Variants in FOCAD observed in about 807,000 individuals in gnomAD.
FOCAD encodes the protein focadhesin.
In FOCAD, 198 loss-of-function variants were observed where a neutral mutation model predicts 225.6. That is an observed-to-expected ratio of 0.88 (90% CI 0.78 to 0.99). The LOEUF is 0.99. Ranked by LOEUF, FOCAD falls within the 50% of genes least tolerant of loss-of-function variation. The pLI, the probability that FOCAD is intolerant of heterozygous loss-of-function variation, is 0.00. For missense variants in FOCAD, 2,713 were observed against 2,123.6 expected, an observed-to-expected ratio of 1.28 and a Z score of -5.46; for synonymous variants, 897 against 755.0, an observed-to-expected ratio of 1.19 and a Z score of -3.08.
chr9:20,831,194 A>G (rs1265587537), intron 15 of FOCAD, among the ~76,000 whole-genome samples: 1 of 152,038 alleles, frequency 6.6e-6, no homozygotes, highest in African/African-American at 2.4e-5. Flanking sequence ...CGTAAAGGTT[A>G]TTGTCTGTTC....
intron 35 of FOCAD, among the ~76,000 whole-genome samples, chr9:20,972,121 G>C (rs1839820421): frequency 6.6e-6 from 1 of 152,046 alleles, no homozygotes; most frequent in African/African-American, 2.4e-5. Flanking sequence ...CTAAAAGTGA[G>C]GTTGCTGGAT....
chr9:20,973,249 C>T (rs1839925231), intron 35 of FOCAD, among the ~76,000 whole-genome samples: 1 of 151,640 alleles, frequency 6.6e-6, no homozygotes, highest in Non-Finnish European at 1.5e-5. Context: ...GCCTCTGCTT[C>T]TCTTTGTTCC....
intron 35 of FOCAD, among the ~76,000 whole-genome samples, chr9:20,975,827 GATCTCATA>G (rs1840178346): frequency 6.6e-6 from 1 of 152,248 alleles, no homozygotes; most frequent in South Asian, 2.1e-4. Context: ...TAAAAAAGTT[GATCTCATA>G]TGCAATGCCA....
intron 1 of FOCAD, among the ~76,000 whole-genome samples, chr9:20,708,895 C>T (rs1452665126): frequency 6.6e-6 from 1 of 152,116 alleles, no homozygotes; most frequent in East Asian, 1.9e-4. Context: ...TGTCTGTCTT[C>T]GTCATCATTG....
intron 11 of FOCAD, among the ~76,000 whole-genome samples, chr9:20,793,481 T>C (rs1451191173): frequency 6.6e-6 from 1 of 152,188 alleles, no homozygotes; most frequent in Non-Finnish European, 1.5e-5. Context: ...GGCTGTTACT[T>C]CTGATTGGTC....
rs183961509 is a variant in FOCAD at position 20,676,703 on chromosome 9, T to C, written c.-77-17817T>C. On this transcript the variant is annotated intron_variant, in intron 2 of 45. Transcript: ENST00000380249. Reference sequence around the variant, plus strand: ...TAGCATTTTTGGATTTCAATGCAAGTGGAAAGGAAATTTTCAAACATCAAA... The same window carrying C: ...TAGCATTTTTGGATTTCAATGCAAGCGGAAAGGAAATTTTCAAACATCAAA... Among the ~76,000 whole-genome samples, 14 of 152,166 alleles carry C rather than the reference T, an allele frequency of 9.2e-5. No homozygotes were observed. In the East Asian group the frequency reaches 2.5e-3, roughly 27 times the overall value.
At chr9:20,762,475 G>A (rs1223904826) in intron 6 of FOCAD, among the ~76,000 whole-genome samples, 1 of 152,100 alleles carries the variant, frequency 6.6e-6, no homozygotes, top group East Asian at 1.9e-4. Flanking sequence ...TTTCCATCAT[G>A]TAGATGAGTG....
chr9:20,892,625 A>G (rs1379518268), intron 21 of FOCAD, among the ~76,000 whole-genome samples: 1 of 152,062 alleles, frequency 6.6e-6, no homozygotes, highest in Non-Finnish European at 1.5e-5. Context: ...TTAGGGATGA[A>G]CAGAGTGGTT....
At chr9:20,913,225 CT>C (rs531656383) in intron 23 of FOCAD, among the ~76,000 whole-genome samples, 1 of 151,446 alleles carries the variant, frequency 6.6e-6, no homozygotes, top group Non-Finnish European at 1.5e-5. Flanking sequence ...TGCTTTTTCC[CT>C]TTTCTACCTG....
At chr9:20,941,184 G>T (rs1564182634) in intron 28 of FOCAD, among the ~76,000 whole-genome samples, 1 of 152,122 alleles carries the variant, frequency 6.6e-6, no homozygotes, top group Non-Finnish European at 1.5e-5. Flanking sequence ...CATGCTTCCC[G>T]ATTTAATGGA....
intron 35 of FOCAD, among the ~76,000 whole-genome samples, chr9:20,959,664 G>A (rs934858650): frequency 2.0e-5 from 3 of 151,956 alleles, no homozygotes; most frequent in African/African-American, 7.3e-5. Context: ...TTATCATTTT[G>A]TGTCTTACAT....
chr9:20,695,171 G>A (rs796216729), intron 1 of FOCAD, among the ~76,000 whole-genome samples: 11 of 152,232 alleles, frequency 7.2e-5, no homozygotes, highest in African/African-American at 2.6e-4. Flanking sequence ...ATTAAATATA[G>A]AGAGTTGTGT....
intron 10 of FOCAD, among the ~76,000 whole-genome samples, chr9:20,785,256 C>A (rs1187447358): frequency 7.0e-6 from 1 of 143,216 alleles, no homozygotes; most frequent in Non-Finnish European, 1.5e-5. Flanking sequence ...TTCACATGCG[C>A]CCTTCCCTCA....
chr9:20,793,816 A>G (rs1221351598), intron 11 of FOCAD, among the ~76,000 whole-genome samples: 1 of 152,150 alleles, frequency 6.6e-6, no homozygotes, highest in Non-Finnish European at 1.5e-5. Context: ...GTAACTTTGA[A>G]TTTCATAATA....
intron 37 of FOCAD, among the ~76,000 whole-genome samples, chr9:20,978,906 C>T (rs1048376565): frequency 6.6e-6 from 1 of 152,206 alleles, no homozygotes; most frequent in Non-Finnish European, 1.5e-5. Context: ...TTAGGTATCA[C>T]ATCAAGGGGA....
intron 4 of FOCAD, among the ~76,000 whole-genome samples, chr9:20,735,529 C>T (rs73436481): frequency 0.01 from 1,495 of 148,662 alleles, 26 homozygotes; most frequent in African/African-American, 0.034. Flanking sequence ...CTTCTCTTTT[C>T]CTTCCCTGAG....
intron 6 of FOCAD, among the ~76,000 whole-genome samples, chr9:20,759,430 T>C (rs950542824): frequency 2.0e-5 from 3 of 152,168 alleles, no homozygotes; most frequent in Admixed American, 6.5e-5. Context: ...TATCTGATCT[T>C]TGACAAACCT....
intron 15 of FOCAD, among the ~76,000 whole-genome samples, chr9:20,851,655 T>C (rs1827670195): frequency 6.6e-6 from 1 of 151,924 alleles, no homozygotes; most frequent in Non-Finnish European, 1.5e-5. Flanking sequence ...CAGGCTCTAC[T>C]CTAGACCTAC....
At position 20,838,933 on chromosome 9, in the gene FOCAD, C is replaced by T. The variant is rs80231767; in HGVS notation, c.1920+15818C>T. On this transcript the variant is annotated intron_variant, in intron 15 of 43. Coordinates refer to ENST00000338382, the MANE Select transcript of FOCAD (RefSeq NM_001375567.1). ...TAAATTAAGCTTTACTAATATTTAA[C>T]GTATGGATTGGTGGTTTCCTTACTT... 2.4e-3 allele frequency among the ~76,000 whole-genome samples: 369 copies of T among 152,042 alleles called. 10 individuals carry two copies. The East Asian group carries it at 0.044, about 18-fold the overall frequency.
Sources: gnomAD v4.1 joint callset for allele counts (sites outside exome capture counted in the v4.1 genomes callset) on GRCh38, gnomAD v4.1.1 for gene constraint, MANE v1.5 for transcripts, NCBI Gene and HGNC (gene_info 2026-07-23, HGNC 2026-07-21) for gene names.